The following CLTC variants were observed in gnomAD, a reference collection of about 807,000 sequenced individuals.
CLTC encodes the protein clathrin heavy chain 1.
Under a neutral mutation model 195.8 loss-of-function variants are expected in CLTC, and 16 were observed. That is an observed-to-expected ratio of 0.08 (90% CI 0.06 to 0.12). The LOEUF (loss-of-function observed/expected upper bound fraction) is 0.12, where lower values mean the gene tolerates loss of function less well. Among genes scored for constraint, CLTC ranks in the 10% least tolerant of loss-of-function variants. The probability of loss-of-function intolerance (pLI) is 1.00; values close to 1 mark genes in which losing one functional copy is unlikely to be tolerated. For synonymous variants in CLTC, 667 were observed against 689.4 expected (o/e 0.97, Z 0.51); for missense variants, 796 against 2,027.0 (o/e 0.39, Z 11.66).
At chr17:59,650,114 A>AT (rs940246440) in intron 4 of CLTC, among the ~76,000 whole-genome samples, 9 of 151,524 alleles carry the variant, frequency 5.9e-5, no homozygotes, top group South Asian at 2.1e-4. Context: ...TGGAAACTGA[A>AT]TTTTTTTTTG....
intron 2 of CLTC, among the ~76,000 whole-genome samples, chr17:59,645,132 T>C (rs117928822): frequency 1.5e-3 from 236 of 152,340 alleles, no homozygotes; most frequent in Non-Finnish European, 1.9e-3. Context: ...TATTCTGGAA[T>C]AGAACATACT....
chr17:59,660,179 T>G (rs1371802952), intron 6 of CLTC, among the ~76,000 whole-genome samples: 2 of 152,226 alleles, frequency 1.3e-5, no homozygotes, highest in East Asian at 3.8e-4. Flanking sequence ...AACCACATAA[T>G]GGCCTAACAC....
intron 1 of CLTC, among the ~76,000 whole-genome samples, chr17:59,621,476 TA>T (rs1247547122): frequency 6.6e-6 from 1 of 152,190 alleles, no homozygotes; most frequent in African/African-American, 2.4e-5. Context: ...ATAGCATACA[TA>T]AAGGATTCTT....
chr17:59,647,810 C>T, intron 3 of CLTC, 144 bp downstream of exon 3: 2 of 707,810 alleles, frequency 2.8e-6, no homozygotes, highest in Non-Finnish European at 4.7e-6. Context: ...TTCCTTCCTC[C>T]CATCCCTTCT....
chr17:59,655,768 A>G, intron 5 of CLTC, 86 bp from the exon 6 acceptor site: 1 of 1,092,994 alleles, frequency 9.1e-7, no homozygotes, highest in Non-Finnish European at 1.3e-6. Context: ...GAATTTTACC[A>G]TCTCTAAAAT....
At chr17:59,661,677 G>T in intron 8 of CLTC, 34 bp downstream of exon 8, 2 of 1,587,346 alleles carry the variant, frequency 1.3e-6, no homozygotes, top group East Asian at 4.5e-5. Flanking sequence ...ATCTTGCTTT[G>T]GTTGCATTAA....
chr17:59,633,050 GTCATTTTAA>G (rs1242043111), intron 1 of CLTC, among the ~76,000 whole-genome samples: 3 of 151,856 alleles, frequency 2.0e-5, no homozygotes, highest in East Asian at 1.9e-4. Context: ...TCATTTTAAT[GTCATTTTAA>G]TCATTTTAAT....
chr17:59,664,691 T>A, intron 9 of CLTC, 96 bp from the exon 10 acceptor site: 2 of 1,277,616 alleles, frequency 1.6e-6, no homozygotes, highest in Non-Finnish European at 2.1e-6. Flanking sequence ...CTTTCACCAG[T>A]AGTTCTATAT....
chr17:59,679,940 C>A (rs2033047970), intron 18 of CLTC, among the ~76,000 whole-genome samples: 1 of 151,594 alleles, frequency 6.6e-6, no homozygotes, highest in Admixed American at 6.6e-5. Flanking sequence ...GCATGTAATC[C>A]CAGCTACTCG....
intron 1 of CLTC, among the ~76,000 whole-genome samples, chr17:59,642,023 T>A (rs538643695): frequency 2.0e-3 from 290 of 144,218 alleles, no homozygotes; most frequent in South Asian, 0.011. Context: ...TTTTTTTTTT[T>A]ACAAGTAAAA....
chr17:59,634,570 T>C (rs2031811273), intron 1 of CLTC, among the ~76,000 whole-genome samples: 1 of 152,200 alleles, frequency 6.6e-6, no homozygotes, highest in African/African-American at 2.4e-5. Context: ...ACAACCTCTC[T>C]CCAACTGTGG....
In CLTC at chr17:59,661,405, C is replaced by A. The variant is rs1174891373; in HGVS notation, c.1168-38C>A. On this transcript the variant is annotated intron_variant, in intron 7 of 31. Coordinates refer to ENST00000269122, the MANE Select transcript of CLTC (RefSeq NM_004859.4). The stretch of plus-strand genomic sequence containing the variant: ...GAGCGTTTAACATTTCTCCTTCTTA[C>A]ACTTTCGAAGAGCGTTTAACATTTC... 5 of 1,525,234 alleles carry A rather than the reference C, an allele frequency of 3.3e-6. No homozygotes were observed. The Admixed American group carries it at 5.0e-5, about 15-fold the overall frequency. 94.5% of individuals were successfully genotyped at this position (1,525,234 alleles called of 1,614,324 possible). A position where few individuals can be genotyped will look rare whatever the true frequency, so the allele number is the denominator to read the frequency against.
intron 8 of CLTC, among the ~76,000 whole-genome samples, chr17:59,662,958 A>C (rs867902556): frequency 5.6e-4 from 85 of 152,210 alleles, no homozygotes; most frequent in African/African-American, 2.0e-3. Flanking sequence ...AGAACAGCCA[A>C]GGTAACTGAG....
intron 1 of CLTC, among the ~76,000 whole-genome samples, chr17:59,637,071 C>T (rs1040290360): frequency 6.6e-6 from 1 of 151,780 alleles, no homozygotes; most frequent in East Asian, 1.9e-4. Flanking sequence ...AATGAGCCAC[C>T]GTACCTGGCC....
chr17:59,680,818 T>C, intron 18 of CLTC, 94 bp from the exon 19 acceptor site: 1 of 937,948 alleles, frequency 1.1e-6, no homozygotes, highest in Non-Finnish European at 1.6e-6. Context: ...TTCATTCTTT[T>C]CTGCCTATTT....
intron 1 of CLTC, among the ~76,000 whole-genome samples, chr17:59,625,942 A>G (rs993617413): frequency 2.0e-5 from 3 of 152,220 alleles, no homozygotes; most frequent in Non-Finnish European, 4.4e-5. Context: ...CATGTATGTG[A>G]AAGTACTTTA....
intron 1 of CLTC, among the ~76,000 whole-genome samples, chr17:59,621,983 T>A (rs2031394522): frequency 6.6e-6 from 1 of 152,254 alleles, no homozygotes; most frequent in Admixed American, 6.5e-5. Flanking sequence ...GATGTGTAGC[T>A]CACTACTAAA....
chr17:59,675,103 C>T (rs1344243391), intron 16 of CLTC, among the ~76,000 whole-genome samples: 1 of 152,062 alleles, frequency 6.6e-6, no homozygotes, highest in Non-Finnish European at 1.5e-5. Flanking sequence ...TGTGGTTTGA[C>T]TTTATATGTT....
At chr17:59,677,284 G>A in intron 17 of CLTC, 96 bp downstream of exon 17, 1 of 883,990 alleles carries the variant, frequency 1.1e-6, no homozygotes, top group South Asian at 1.6e-5. Flanking sequence ...GGGACATTTG[G>A]GGACGGTGGG....
Sources: gnomAD v4.1 joint callset for allele counts (sites outside exome capture counted in the v4.1 genomes callset) on GRCh38, gnomAD v4.1.1 for gene constraint, MANE v1.5 for transcripts, NCBI Gene and HGNC (gene_info 2026-07-23, HGNC 2026-07-21) for gene names.